The following HCN1 variants were observed in gnomAD, a reference collection of about 807,000 sequenced individuals.
HCN1 encodes the protein hyperpolarization activated cyclic nucleotide gated potassium channel 1.
In HCN1, 13 loss-of-function variants were observed where a neutral mutation model predicts 78.9. The ratio of observed to expected loss-of-function variants is 0.16; its 90% CI spans 0.11 to 0.26. The LOEUF is 0.26. Among genes scored for constraint, HCN1 ranks in the 10% least tolerant of loss-of-function variants. HCN1 has a pLI of 1.00. For synonymous variants in HCN1, 552 were observed against 455.5 expected (o/e 1.21, Z -2.70); for missense variants, 810 against 1,154.3 (o/e 0.70, Z 4.32).
At chr5:45,537,253 A>T (rs1012133759) in intron 2 of HCN1, among the ~76,000 whole-genome samples, 1 of 152,090 alleles carries the variant, frequency 6.6e-6, no homozygotes, top group Non-Finnish European at 1.5e-5. Flanking sequence ...ACTGCCCTCA[A>T]TTTTTAAAAA....
At position 45,533,996 on chromosome 5, in the gene HCN1, T is replaced by C. The variant is rs770945968; in HGVS notation, c.850-71989A>G. Among the ~76,000 whole-genome samples the C allele has an allele frequency of 3.2e-4, 49 of 152,134 alleles. 1 individual carries two copies. The highest frequency in any genetic ancestry group is 2.2e-3 in the Admixed American group (34 of 15,266). The stretch of plus-strand genomic sequence containing the variant: ...AATGTTGGCACCCAGCTTTAAGATG[T>C]ATTATCTAAAAGTTTTTGAGATTTA... On this transcript the variant is annotated intron_variant, in intron 2 of 7. Transcript: ENST00000303230.
chr5:45,560,631 C>A lies in HCN1; in HGVS notation c.849+84554G>T, dbSNP rs372736480. Among the ~76,000 whole-genome samples the A allele has an allele frequency of 7.9e-5, 12 of 152,048 alleles. No homozygotes were observed. The East Asian group carries it at 2.3e-3, about 29-fold the overall frequency. On this transcript the variant is annotated intron_variant, in intron 2 of 7. Coordinates refer to ENST00000303230, the MANE Select transcript of HCN1 (RefSeq NM_021072.4). ...ACAAAATTAAAAATTATCCTGTCCA[C>A]ATTATTTTCAAAAACACAATTATAT...
intron 3 of HCN1, among the ~76,000 whole-genome samples, chr5:45,435,831 A>G (rs894236175): frequency 6.6e-6 from 1 of 152,182 alleles, no homozygotes; most frequent in Non-Finnish European, 1.5e-5. Context: ...AAACACCACA[A>G]AATTAGTAAT....
chr5:45,527,953 A>C (rs1367818290), intron 2 of HCN1, among the ~76,000 whole-genome samples: 110 of 151,508 alleles, frequency 7.3e-4, no homozygotes, highest in Non-Finnish European at 1.4e-3. Flanking sequence ...TTTTAAACCC[A>C]AAAATACTCT....
At chr5:45,498,280 C>T (rs532767290) in intron 2 of HCN1, among the ~76,000 whole-genome samples, 5 of 152,222 alleles carry the variant, frequency 3.3e-5, no homozygotes, top group East Asian at 3.9e-4. Flanking sequence ...AGGCTTTGCT[C>T]GTTTCTTTTT....
At chr5:45,309,064 T>G (rs1745795948) in intron 5 of HCN1, among the ~76,000 whole-genome samples, 1 of 152,132 alleles carries the variant, frequency 6.6e-6, no homozygotes, top group South Asian at 2.1e-4. Context: ...TGTACTATCC[T>G]TTTAGAGATC....
At chr5:45,449,063 A>C (rs906510809) in intron 3 of HCN1, among the ~76,000 whole-genome samples, 1 of 152,218 alleles carries the variant, frequency 6.6e-6, no homozygotes, top group African/African-American at 2.4e-5. Context: ...AGCCAAGATC[A>C]CACCACTGCA....
intron 2 of HCN1, among the ~76,000 whole-genome samples, chr5:45,472,516 G>A (rs768014698): frequency 2.1e-5 from 3 of 141,118 alleles, no homozygotes; most frequent in Non-Finnish European, 4.7e-5. Flanking sequence ...AAGATGGAGG[G>A]AGGAAGGGAA....
At chr5:45,412,645 CTGT>C (rs1740045510) in intron 3 of HCN1, among the ~76,000 whole-genome samples, 1 of 152,026 alleles carries the variant, frequency 6.6e-6, no homozygotes, top group East Asian at 1.9e-4. Context: ...CTCTGGAAGG[CTGT>C]TATTTGAATG....
rs1035345968 is a variant in HCN1, at chr5:45,581,505, G to A, written c.849+63680C>T. On this transcript the variant is annotated intron_variant, in intron 2 of 7. Transcript: ENST00000303230. ...CTCTGATGGCAGTTTCTTTTGCTGT[G>A]CAGAAGCTCTTTAGTTTAATTAGAT... Among the ~76,000 whole-genome samples, 19 of 152,246 alleles carry A rather than the reference G, an allele frequency of 1.2e-4. 1 individual carries two copies. Among genetic ancestry groups the A allele is most frequent in the African/African-American group, 4.6e-4 (19 of 41,552 alleles).
intron 1 of HCN1, among the ~76,000 whole-genome samples, chr5:45,676,286 C>G (rs943261784): frequency 2.6e-5 from 4 of 151,628 alleles, no homozygotes; most frequent in African/African-American, 9.7e-5. Flanking sequence ...CTTATAAGTA[C>G]ATAAAGAATA....
chr5:45,494,715 G>A (rs539062995), intron 2 of HCN1, among the ~76,000 whole-genome samples: 1 of 152,060 alleles, frequency 6.6e-6, no homozygotes, highest in Non-Finnish European at 1.5e-5. Context: ...TTTTCTTCTA[G>A]GGTTTTTATG....
chr5:45,685,045 A>G (rs1003919177), intron 1 of HCN1, among the ~76,000 whole-genome samples: 5 of 152,210 alleles, frequency 3.3e-5, no homozygotes, highest in Non-Finnish European at 7.4e-5. Flanking sequence ...ATGATATCAC[A>G]AAGATTTCTT....
chr5:45,514,214 T>G (rs559571604), intron 2 of HCN1, among the ~76,000 whole-genome samples: 2 of 152,176 alleles, frequency 1.3e-5, no homozygotes, highest in African/African-American at 4.8e-5. Context: ...TGAATTCTGA[T>G]TGAAAACCTA....
rs1189741501 is a variant in HCN1 at position 45,374,183 on chromosome 5, T to A, written c.1231-20937A>T. On this transcript the variant is annotated intron_variant, in intron 4 of 7. Transcript: ENST00000303230. ...CATTATATACATAATATATATTATA[T>A]ATTATATACATTATATACATAACAT... Among the ~76,000 whole-genome samples the A allele has an allele frequency of 3.2e-5, 4 of 123,240 alleles. No homozygotes were observed. The East Asian group carries it at 8.4e-4, about 26-fold the overall frequency. The allele number at this position is 123,240 out of a possible 152,430, so 80.9% of individuals were successfully genotyped here.
intron 4 of HCN1, among the ~76,000 whole-genome samples, chr5:45,379,427 T>G (rs1273093710): frequency 1.3e-5 from 2 of 152,116 alleles, no homozygotes; most frequent in Non-Finnish European, 2.9e-5. Flanking sequence ...TTTGAGAAAT[T>G]AAAACTTAAA....
chr5:45,547,151 T>C (rs1041088473), intron 2 of HCN1, among the ~76,000 whole-genome samples: 2 of 151,926 alleles, frequency 1.3e-5, no homozygotes, highest in Admixed American at 6.6e-5. Context: ...AAAATCTAAA[T>C]TGTTAATCTT....
chr5:45,306,410 C>T (rs1449938497), intron 5 of HCN1, among the ~76,000 whole-genome samples: 1 of 151,978 alleles, frequency 6.6e-6, no homozygotes, highest in Non-Finnish European at 1.5e-5. Flanking sequence ...TTAGAACTCC[C>T]TTTATTATAA....
chr5:45,313,632 G>A (rs866666025), intron 5 of HCN1, among the ~76,000 whole-genome samples: 2 of 152,234 alleles, frequency 1.3e-5, no homozygotes, highest in East Asian at 1.9e-4. Context: ...AATATTAGAC[G>A]AATGGCTAAC....
Sources: gnomAD v4.1 joint callset for allele counts (sites outside exome capture counted in the v4.1 genomes callset) on GRCh38, gnomAD v4.1.1 for gene constraint, MANE v1.5 for transcripts, NCBI Gene and HGNC (gene_info 2026-07-23, HGNC 2026-07-21) for gene names.